The following SLC35D4 variants were observed in gnomAD, a reference collection of about 807,000 sequenced individuals.
SLC35D4 encodes solute carrier family 35 member D4, also known as UDP-N-acetylglucosamine transporter SLC35D4.
chr18:23,251,697 A>G, the SLC35D4 span, among the ~76,000 whole-genome samples: 117 of 152,350 alleles, frequency 7.7e-4, no homozygotes, highest in Non-Finnish European at 1.2e-3. Context: ...TCAAGTTTCC[A>G]AAGACTTACT....
At chr18:23,315,916 G>A in the SLC35D4 span, among the ~76,000 whole-genome samples, 2 of 152,222 alleles carry the variant, frequency 1.3e-5, no homozygotes, top group Admixed American at 6.5e-5. Flanking sequence ...GGAAGGTATG[G>A]GAAGTGCTGG....
the SLC35D4 span, among the ~76,000 whole-genome samples, chr18:23,243,468 GTTTT>G: frequency 9.8e-6 from 1 of 101,876 alleles, no homozygotes; most frequent in African/African-American, 3.6e-5. Flanking sequence ...TGGGTTTGGT[GTTTT>G]TTTTTTTTTT....
At chr18:23,370,346 T>C in the SLC35D4 span, 8 of 1,405,968 alleles carry the variant, frequency 5.7e-6, no homozygotes, top group East Asian at 2.3e-5. Flanking sequence ...AAAATCCACA[T>C]GGATAAAGGC....
chr18:23,275,593 A>AC, the SLC35D4 span, among the ~76,000 whole-genome samples: 78 of 140,694 alleles, frequency 5.5e-4, no homozygotes, highest in African/African-American at 2.1e-3. Context: ...GGTCAGAAAG[A>AC]GTGCTGTGCT....
chr18:23,385,016 C>A, the SLC35D4 span: 2 of 1,613,728 alleles, frequency 1.2e-6, no homozygotes, highest in Admixed American at 1.7e-5. Flanking sequence ...TTCTGGTACC[C>A]ACAGATGATA....
chr18:23,274,979 CTGAG>C, the SLC35D4 span, among the ~76,000 whole-genome samples: 1 of 110,406 alleles, frequency 9.1e-6, no homozygotes, highest in African/African-American at 3.8e-5. Flanking sequence ...GCGCTTGTGT[CTGAG>C]TGCATGTGTG....
the SLC35D4 span, among the ~76,000 whole-genome samples, chr18:23,300,507 A>C: frequency 1.3e-5 from 2 of 152,238 alleles, no homozygotes; most frequent in Non-Finnish European, 2.9e-5. Flanking sequence ...GCTGGAGTAT[A>C]ATAACCTTGC....
At chr18:23,382,662 C>A in the SLC35D4 span, among the ~76,000 whole-genome samples, 1 of 152,196 alleles carries the variant, frequency 6.6e-6, no homozygotes, top group Admixed American at 6.5e-5. Flanking sequence ...CATGTTAGAA[C>A]TGACGGACTA....
the SLC35D4 span, among the ~76,000 whole-genome samples, chr18:23,287,132 T>G: frequency 6.6e-6 from 1 of 152,118 alleles, no homozygotes; most frequent in Admixed American, 6.6e-5. Context: ...TAAACTCTCC[T>G]TACAATTCCC....
chr18:23,370,013 C>T, the SLC35D4 span, among the ~76,000 whole-genome samples: 2 of 152,136 alleles, frequency 1.3e-5, no homozygotes, highest in Non-Finnish European at 2.9e-5. Flanking sequence ...AAACCCCTCT[C>T]TACTAAAAAT....
chr18:23,287,840 C>T, the SLC35D4 span, among the ~76,000 whole-genome samples: 3 of 152,204 alleles, frequency 2.0e-5, no homozygotes, highest in Admixed American at 6.5e-5. Flanking sequence ...ACCGGGGTCG[C>T]GTCCTGTAGC....
At chr18:23,434,371 G>A in the SLC35D4 span, among the ~76,000 whole-genome samples, 1 of 151,950 alleles carries the variant, frequency 6.6e-6, no homozygotes. Flanking sequence ...TTACATTCTC[G>A]GGACCCTTGG....
the SLC35D4 span, among the ~76,000 whole-genome samples, chr18:23,267,290 C>T: frequency 3.3e-5 from 5 of 152,168 alleles, no homozygotes; most frequent in African/African-American, 1.2e-4. Context: ...GGCCTCAGGA[C>T]ACCACTGGGG....
chr18:23,422,615 C>T, the SLC35D4 span, among the ~76,000 whole-genome samples: 3 of 152,118 alleles, frequency 2.0e-5, no homozygotes, highest in East Asian at 1.9e-4. Flanking sequence ...CTTTACTTTG[C>T]AGTCAAAGCG....
chr18:23,430,498 ATAAGGCGGC>A, the SLC35D4 span: 1 of 654,450 alleles, frequency 1.5e-6, no homozygotes, highest in African/African-American at 1.8e-5. Context: ...ATGTCTGTTA[ATAAGGCGGC>A]TAAATATCTT....
the SLC35D4 span, among the ~76,000 whole-genome samples, chr18:23,419,530 G>GATCC: frequency 3.3e-3 from 501 of 152,174 alleles, 2 homozygotes; most frequent in African/African-American, 0.011. Context: ...GACCTCAAGT[G>GATCC]ATCCACCTGT....
chr18:23,407,484 C>T, the SLC35D4 span, among the ~76,000 whole-genome samples: 4 of 151,516 alleles, frequency 2.6e-5, no homozygotes, highest in African/African-American at 9.7e-5. Context: ...CCTTAATGTA[C>T]GATAAATCAA....
the SLC35D4 span, among the ~76,000 whole-genome samples, chr18:23,395,609 C>T: frequency 6.6e-6 from 1 of 152,232 alleles, no homozygotes; most frequent in South Asian, 2.1e-4. Context: ...TTGCCAATGC[C>T]AGGATGGCCT....
chr18:23,319,691 G>A, the SLC35D4 span, among the ~76,000 whole-genome samples: 10 of 152,070 alleles, frequency 6.6e-5, no homozygotes, highest in Non-Finnish European at 8.8e-5. Flanking sequence ...CACCTGCCTC[G>A]GCCTTCCAAA....
Sources: gnomAD v4.1 joint callset for allele counts (sites outside exome capture counted in the v4.1 genomes callset) on GRCh38, gnomAD v4.1.1 for gene constraint, MANE v1.5 for transcripts, NCBI Gene and HGNC (gene_info 2026-07-23, HGNC 2026-07-21) for gene names.